FOCAD: variants seen among roughly 807,000 people sequenced by gnomAD.
The protein encoded by FOCAD is focadhesin.
In FOCAD, 198 loss-of-function variants were observed where a neutral mutation model predicts 225.6. The ratio of observed to expected loss-of-function variants is 0.88; its 90% CI spans 0.78 to 0.99. The LOEUF is 0.99. Among genes scored for constraint, FOCAD ranks in the 50% least tolerant of loss-of-function variants. The probability of loss-of-function intolerance (pLI) is 0.00; values close to 1 mark genes in which losing one functional copy is unlikely to be tolerated. For missense variants in FOCAD, 2,713 were observed against 2,123.6 expected, an observed-to-expected ratio of 1.28 and a Z score of -5.46; for synonymous variants, 897 against 755.0, an observed-to-expected ratio of 1.19 and a Z score of -3.08.
chr9:20,949,198 A>T (rs917050941), intron 32 of FOCAD, among the ~76,000 whole-genome samples: 2 of 152,200 alleles, frequency 1.3e-5, no homozygotes, highest in Non-Finnish European at 2.9e-5. Context: ...CTGAGAAAAG[A>T]TGATTGAAGG....
intron 30 of FOCAD, 103 bp from the exon 31 acceptor site, chr9:20,948,168 G>C (rs1837360349): frequency 9.1e-7 from 1 of 1,094,722 alleles, no homozygotes; most frequent in Non-Finnish European, 1.2e-6. Flanking sequence ...CTTGTCATTA[G>C]GAAAGTTAGC....
In FOCAD at chr9:20,866,927, A is replaced by G; in HGVS notation, c.2107-2A>G. The G allele has an allele frequency of 1.6e-6, 1 of 616,592 alleles. No individual in the cohort carries two copies. Among genetic ancestry groups the G allele is most frequent in the Non-Finnish European group, 2.4e-6 (1 of 411,742 alleles). 38.2% of individuals were successfully genotyped at this position (616,592 alleles called of 1,614,324 possible). A position where few individuals can be genotyped will look rare whatever the true frequency, so the allele number is the denominator to read the frequency against. ...TTTTTTTTTTTTTTTTACCCTATCT[A>G]GGACCCAATTGTAGCAAATGCTGCA... On this transcript the variant is annotated splice_acceptor_variant, in intron 17 of 43. Transcript: ENST00000338382. LOFTEE classifies it high-confidence loss of function.
In FOCAD at chr9:20,778,721, T is replaced by C. The variant is rs778515085; in HGVS notation, c.947T>C (p.Leu316Pro). The change falls in exon 9 of 44, where the codon CTA becomes CCA. Residue 316 changes from leucine to proline, a missense_variant. Transcript: ENST00000338382. ...VELVIIGIAL[L>P]LLQTPASQQK... ...CTGGTCATAATTGGAATAGCTTTAC[T>C]ACTTCTACAGACTCCAGCAAGTCAG... 1 of 1,612,656 alleles carries C rather than the reference T, an allele frequency of 6.2e-7. No individual in the cohort carries two copies. Among genetic ancestry groups the C allele is most frequent in the South Asian group, 1.1e-5 (1 of 90,998 alleles).
chr9:20,959,557 T>G (rs1838510175), intron 35 of FOCAD, among the ~76,000 whole-genome samples: 1 of 152,154 alleles, frequency 6.6e-6, no homozygotes, highest in Admixed American at 6.5e-5. Context: ...CCCATTTATT[T>G]TTGCTTTTAT....
At chr9:20,663,669 A>C (rs1587174801) in intron 2 of FOCAD, among the ~76,000 whole-genome samples, 1 of 152,170 alleles carries the variant, frequency 6.6e-6, no homozygotes, top group East Asian at 1.9e-4. Flanking sequence ...ATGGTACCAG[A>C]ATGCTTTTAA....
rs1024079987 is a variant in FOCAD, at chr9:20,768,238, A to G, written c.700-1794A>G. The stretch of plus-strand genomic sequence containing the variant: ...GTTTTGGTGACTGTAGCCTTGTAGT[A>G]TAGTTTGAAGTCAGGTAGTGTGATG... On this transcript the variant is annotated intron_variant, in intron 7 of 43. Coordinates refer to ENST00000338382, the MANE Select transcript of FOCAD (RefSeq NM_001375567.1). 3.3e-5 allele frequency among the ~76,000 whole-genome samples: 5 copies of G among 149,680 alleles called. 1 individual carries two copies. The South Asian group carries it at 1.1e-3, about 33-fold the overall frequency.
chr9:20,949,688 A>G lies in FOCAD; in HGVS notation c.3948+13A>G. The G allele has an allele frequency of 6.2e-7, 1 of 1,604,286 alleles. No homozygotes were observed. Among genetic ancestry groups the G allele is most frequent in the Non-Finnish European group, 8.5e-7 (1 of 1,171,716 alleles). ...AACCTTAACTCAGGTGAGAAAATGA[A>G]TTTAAAATCCTTGGGTGGAAAACAT... On this transcript the variant is annotated intron_variant, in intron 33 of 43. Transcript: ENST00000338382.
At chr9:20,656,083 G>A (rs545075439), upstream of FOCAD, among the ~76,000 whole-genome samples, 110 of 150,470 alleles carry the variant, frequency 7.3e-4, no homozygotes, top group East Asian at 0.015. Flanking sequence ...GTAGTTGAGC[G>A]GTTTTGAGTG....
chr9:20,964,241 C>G (rs143371362), intron 35 of FOCAD, among the ~76,000 whole-genome samples: 8 of 152,042 alleles, frequency 5.3e-5, no homozygotes, highest in South Asian at 2.1e-4. Flanking sequence ...GTGGTGCACA[C>G]CTGCAGTCCC....
intron 4 of FOCAD, among the ~76,000 whole-genome samples, chr9:20,739,710 A>T (rs945237307): frequency 6.6e-6 from 1 of 152,050 alleles, no homozygotes; most frequent in Middle Eastern, 3.4e-3. Flanking sequence ...AAGGCAGCCT[A>T]TTTTTCTTTC....
intron 11 of FOCAD, among the ~76,000 whole-genome samples, chr9:20,798,906 C>T (rs1821455360): frequency 6.6e-6 from 1 of 152,030 alleles, no homozygotes; most frequent in Non-Finnish European, 1.5e-5. Context: ...AATGTGTTTG[C>T]TCTTGCTTCT....
At chr9:20,759,904 T>G (rs796604139) in intron 6 of FOCAD, among the ~76,000 whole-genome samples, 9 of 152,338 alleles carry the variant, frequency 5.9e-5, no homozygotes, top group African/African-American at 2.2e-4. Context: ...AACTGCCATT[T>G]GAGATAAAGT....
chr9:20,664,788 A>G (rs1012350144), intron 2 of FOCAD, among the ~76,000 whole-genome samples: 2 of 151,984 alleles, frequency 1.3e-5, no homozygotes, highest in African/African-American at 4.8e-5. Flanking sequence ...CCAGGGTGAT[A>G]TCTTAATAAT....
intron 28 of FOCAD, among the ~76,000 whole-genome samples, chr9:20,942,500 TTTC>T (rs1280275499): frequency 6.6e-6 from 1 of 152,218 alleles, no homozygotes; most frequent in Non-Finnish European, 1.5e-5. Flanking sequence ...GAAACTGAAT[TTTC>T]TTGGTTGAAT....
chr9:20,741,526 G>A (rs977617314), intron 5 of FOCAD, among the ~76,000 whole-genome samples: 1 of 151,756 alleles, frequency 6.6e-6, no homozygotes, highest in Non-Finnish European at 1.5e-5. Context: ...AACATATTTT[G>A]TGAATATCTT....
intron 23 of FOCAD, 47 bp downstream of exon 23, chr9:20,913,001 C>G (rs375631969): frequency 1.6e-5 from 24 of 1,484,264 alleles, no homozygotes; most frequent in Non-Finnish European, 2.1e-5. Flanking sequence ...GGGAAGTGAG[C>G]TATGAGGGGA....
intron 17 of FOCAD, among the ~76,000 whole-genome samples, chr9:20,866,442 A>G (rs2131725062): frequency 6.6e-6 from 1 of 152,154 alleles, no homozygotes; most frequent in South Asian, 2.1e-4. Flanking sequence ...ATAGGTGGAG[A>G]ATCGGAATCC....
At chr9:20,948,102 AAAAAAAC>A (rs1416516590) in intron 30 of FOCAD, among the ~76,000 whole-genome samples, 162 bp from the exon 31 acceptor site, 2 of 137,590 alleles carry the variant, frequency 1.5e-5, no homozygotes, top group East Asian at 2.2e-4. Context: ...TCTAGATTAA[AAAAAAAC>A]AAAAAACAAA....
intron 2 of FOCAD, among the ~76,000 whole-genome samples, chr9:20,663,345 A>G (rs752525951): frequency 3.3e-5 from 5 of 152,188 alleles, no homozygotes; most frequent in Middle Eastern, 3.2e-3. Context: ...TGACAGGGAA[A>G]GACCCTGTCT....
Sources: gnomAD v4.1 joint callset for allele counts (sites outside exome capture counted in the v4.1 genomes callset) on GRCh38, gnomAD v4.1.1 for gene constraint, MANE v1.5 for transcripts, NCBI Gene and HGNC (gene_info 2026-07-23, HGNC 2026-07-21) for gene names.